Variants in NUCB2 observed in about 807,000 individuals in gnomAD.
The protein encoded by NUCB2 is nucleobindin 2, also known as nucleobindin-2.
In NUCB2, 48 loss-of-function variants were observed where a neutral mutation model predicts 57.9. The ratio of observed to expected loss-of-function variants is 0.83; its 90% CI spans 0.66 to 1.05. The LOEUF (loss-of-function observed/expected upper bound fraction) is 1.05, where lower values mean the gene tolerates loss of function less well. NUCB2 is among the 50% of genes least tolerant of loss of function. The probability of loss-of-function intolerance (pLI) is 0.00; values close to 1 mark genes in which losing one functional copy is unlikely to be tolerated. For synonymous variants in NUCB2, 139 were observed against 152.1 expected (o/e 0.91, Z 0.64); for missense variants, 442 against 476.2 (o/e 0.93, Z 0.67).
intron 3 of NUCB2, 23 bp downstream of exon 3, chr11:17,295,490 G>A: frequency 6.5e-7 from 1 of 1,547,032 alleles, no homozygotes; most frequent in Non-Finnish European, 8.9e-7. Flanking sequence ...AAGTGAAATG[G>A]GAGGAATTAT....
intron 2 of NUCB2, among the ~76,000 whole-genome samples, chr11:17,283,237 G>GT (rs1943056422): frequency 6.6e-6 from 1 of 152,176 alleles, no homozygotes; most frequent in Non-Finnish European, 1.5e-5. Flanking sequence ...AACCATCACT[G>GT]TCATGTTCCA....
chr11:17,278,694 A>G (rs768864969), intron 1 of NUCB2, among the ~76,000 whole-genome samples: 1 of 152,244 alleles, frequency 6.6e-6, no homozygotes, highest in Non-Finnish European at 1.5e-5. Flanking sequence ...ACTAATATCA[A>G]TAACATCAAT....
At chr11:17,343,621 G>A (rs1459660886) in intron 2 of NUCB2, among the ~76,000 whole-genome samples, 3 of 152,112 alleles carry the variant, frequency 2.0e-5, no homozygotes, top group East Asian at 3.8e-4. Context: ...TGTTCTTGGT[G>A]TGACAACTTT....
At chr11:17,311,740 T>C (rs1318456421) in intron 8 of NUCB2, 132 bp from the exon 9 acceptor site, 1 of 566,798 alleles carries the variant, frequency 1.8e-6, no homozygotes, top group Non-Finnish European at 3.1e-6. Flanking sequence ...TGACAAAGAA[T>C]AAATGCTTTT....
chr11:17,337,748 C>G (rs771300901), intron 2 of NUCB2, among the ~76,000 whole-genome samples: 2 of 152,138 alleles, frequency 1.3e-5, no homozygotes, highest in African/African-American at 4.8e-5. Context: ...ATTCTCCTGC[C>G]TCAGCCTCCC....
At chr11:17,285,907 TCACA>T (rs1198525927) in intron 2 of NUCB2, among the ~76,000 whole-genome samples, 1 of 148,860 alleles carries the variant, frequency 6.7e-6, no homozygotes, top group Non-Finnish European at 1.5e-5. Flanking sequence ...CAGGAAACCA[TCACA>T]CATACATGCG....
intron 2 of NUCB2, among the ~76,000 whole-genome samples, chr11:17,293,202 C>T (rs1049714086): frequency 4.0e-5 from 6 of 148,910 alleles, no homozygotes; most frequent in Non-Finnish European, 7.4e-5. Context: ...TGCAGTGAGC[C>T]GAGATCGGGC....
intron 3 of NUCB2, 161 bp downstream of exon 3, chr11:17,295,628 G>A (rs1945708793): frequency 3.2e-6 from 2 of 618,510 alleles, no homozygotes; most frequent in Non-Finnish European, 5.5e-6. Context: ...TTGTACACTT[G>A]GGAACTATTT....
intron 5 of NUCB2, among the ~76,000 whole-genome samples, chr11:17,305,361 C>G (rs1435321326): frequency 6.6e-6 from 1 of 151,778 alleles, no homozygotes; most frequent in Non-Finnish European, 1.5e-5. Flanking sequence ...AGTAAGAAAA[C>G]TTAGATACCT....
intron 8 of NUCB2, 148 bp downstream of exon 8, chr11:17,311,431 A>C (rs1948467350): frequency 3.3e-6 from 2 of 600,870 alleles, no homozygotes; most frequent in Non-Finnish European, 5.7e-6. Context: ...GATAGTCTTT[A>C]TTGCTCACCT....
At chr11:17,292,992 G>T (rs2138328468) in intron 2 of NUCB2, among the ~76,000 whole-genome samples, 1 of 152,226 alleles carries the variant, frequency 6.6e-6, no homozygotes, top group East Asian at 1.9e-4. Context: ...AGTGGCTCAT[G>T]CCTGTAATTT....
Position 17,312,261 on chromosome 11 carries a change from G to T in NUCB2, c.912+141G>T, listed in dbSNP as rs556544471. 20 of 562,080 alleles carry T rather than the reference G, an allele frequency of 3.6e-5. No homozygotes were observed. In the East Asian group the frequency reaches 6.0e-4, roughly 17 times the overall value. The allele number at this position is 562,080 out of a possible 1,614,324, so 34.8% of individuals were successfully genotyped here. The stretch of plus-strand genomic sequence containing the variant: ...GTTTTTGTTTTTTTTTTGAGACAGG[G>T]TCTTACTCTGTTGCCCAGGCTGGAG... On this transcript the variant is annotated intron_variant, in intron 10 of 13. Transcript: ENST00000529010.
chr11:17,317,624 G>T, intron 11 of NUCB2: 1 of 402,466 alleles, frequency 2.5e-6, no homozygotes. Flanking sequence ...AGACTATTAT[G>T]TTGTACAATG....
intron 10 of NUCB2, among the ~76,000 whole-genome samples, chr11:17,312,817 T>C (rs1008682257): frequency 6.9e-6 from 1 of 145,518 alleles, no homozygotes; most frequent in African/African-American, 2.6e-5. Context: ...AGTGATTCTC[T>C]TGCCTCAGCC....
At chr11:17,319,920 T>G (rs1014660257) in intron 11 of NUCB2, among the ~76,000 whole-genome samples, 1 of 152,172 alleles carries the variant, frequency 6.6e-6, no homozygotes, top group African/African-American at 2.4e-5. Context: ...CCCCAGTGTG[T>G]GTTGTTCCTC....
chr11:17,279,479 A>G (rs184724136), intron 1 of NUCB2, among the ~76,000 whole-genome samples: 3 of 152,322 alleles, frequency 2.0e-5, no homozygotes, highest in Admixed American at 1.3e-4. Context: ...AAGGGTCCCA[A>G]TGGATGCCTG....
At chr11:17,313,043 TTG>T (rs1466665882) in intron 10 of NUCB2, among the ~76,000 whole-genome samples, 1 of 151,936 alleles carries the variant, frequency 6.6e-6, no homozygotes, top group Non-Finnish European at 1.5e-5. Flanking sequence ...CAGCATGTCT[TTG>T]CTACGTTGCC....
downstream of NUCB2, chr11:17,334,193 A>G (rs1951623836): frequency 1.3e-5 from 2 of 152,248 alleles, no homozygotes; most frequent in Admixed American, 6.5e-5. Flanking sequence ...TAGCTATTAA[A>G]CAGAAGGGAA....
chr11:17,281,936 A>T (rs1942660118), intron 1 of NUCB2, among the ~76,000 whole-genome samples: 1 of 151,794 alleles, frequency 6.6e-6, no homozygotes, highest in Non-Finnish European at 1.5e-5. Context: ...TATGTTTTAC[A>T]TGTTATTTGG....
Sources: allele counts gnomAD v4.1 joint callset (sites outside exome capture counted in the v4.1 genomes callset), GRCh38; gene constraint gnomAD v4.1.1; transcripts MANE v1.5; gene names NCBI Gene and HGNC (gene_info 2026-07-23, HGNC 2026-07-21).